The following PSMG4 variants were observed in gnomAD, a reference collection of about 807,000 sequenced individuals.
PSMG4 encodes proteasome assembly chaperone 4, also known as proteasome (prosome, macropain) assembly chaperone 4.
PSMG4 carries 10 observed loss-of-function variants against 11.0 expected under a neutral mutation model. The observed-to-expected ratio is 0.91, with a 90% CI of 0.56 to 1.54. PSMG4 has a LOEUF of 1.54. Among genes scored for constraint, PSMG4 ranks in the 40% most tolerant of loss-of-function variants. The pLI is 0.00. For missense variants in PSMG4, 198 were observed against 160.9 expected, an observed-to-expected ratio of 1.23 and a Z score of -1.25; for synonymous variants, 95 against 71.3, an observed-to-expected ratio of 1.33 and a Z score of -1.68.
At chr6:3,260,291 A>ATTTTTT (rs869076629) in intron 1 of PSMG4, among the ~76,000 whole-genome samples, 37 of 70,834 alleles carry the variant, frequency 5.2e-4, no homozygotes, top group Admixed American at 1.3e-3. Flanking sequence ...ATATATATAT[A>ATTTTTT]TTTTTTTTTT....
At chr6:3,254,907 C>G (rs187443068), upstream of PSMG4, 9 of 885,242 alleles carry the variant, frequency 1.0e-5, no homozygotes, top group South Asian at 1.2e-4. Context: ...TGAATGATCT[C>G]TGAGCTGGTG....
rs907490272 is a variant in PSMG4, at chr6:3,267,981, C to G, written c.*269C>G. On this transcript the variant is annotated 3_prime_UTR_variant, in exon 3 of 3. Coordinates refer to ENST00000438998, the MANE Select transcript of PSMG4 (RefSeq NM_001128591.2). ...TTTTGTTGGGATTGAAGACTGTAAT[C>G]TAAGAGTTTCAATCAGACATGACTG... The G allele has an allele frequency of 3.2e-6, 1 of 308,810 alleles. No homozygotes were observed. Among genetic ancestry groups the G allele is most frequent in the African/African-American group, 2.1e-5 (1 of 47,532 alleles). 19.1% of individuals were successfully genotyped at this position (308,810 alleles called of 1,614,324 possible).
rs921854513 is a variant in PSMG4 at position 3,259,049 on chromosome 6, C to T, written c.27C>T (p.Gly9=). The T allele has an allele frequency of 1.6e-6, 2 of 1,254,252 alleles. No individual in the cohort carries two copies. Among genetic ancestry groups the T allele is most frequent in the African/African-American group, 3.1e-5 (2 of 64,500 alleles). The allele number at this position is 1,254,252 out of a possible 1,614,324, so 77.7% of individuals were successfully genotyped here. A position where few individuals can be genotyped will look rare whatever the true frequency, so the allele number is the denominator to read the frequency against. The stretch of plus-strand genomic sequence containing the variant: ...TGGAGGGGCTGGTTGTCGCCGCCGG[C>T]GGGGACGTCTCCCTGCACAACTTCA... MEGLVVAA[G]GDVSLHNFSA... The change falls in exon 1 of 3, where the codon GGC becomes GGT. Residue 9 remains glycine, a synonymous_variant. Transcript: ENST00000438998.
chr6:3,258,124 C>T (rs141716104), upstream of PSMG4, among the ~76,000 whole-genome samples: 87 of 152,178 alleles, frequency 5.7e-4, no homozygotes, highest in African/African-American at 1.7e-3. Context: ...CTTTTCTCAA[C>T]TCTGTAATGT....
At chr6:3,267,433 G>C (rs1758237503) in intron 2 of PSMG4, 158 bp from the exon 3 acceptor site, 3 of 745,426 alleles carry the variant, frequency 4.0e-6, no homozygotes, top group Non-Finnish European at 6.1e-6. Context: ...GTCTGCATTT[G>C]CAGCACCTGT....
At chr6:3,256,484 T>C (rs183806780), upstream of PSMG4, among the ~76,000 whole-genome samples, 1 of 152,342 alleles carries the variant, frequency 6.6e-6, no homozygotes, top group African/African-American at 2.4e-5. Flanking sequence ...CCTCCTCCTG[T>C]GATGTGTGGC....
intron 2 of PSMG4, chr6:3,264,548 C>T: frequency 2.5e-6 from 2 of 792,048 alleles, no homozygotes; most frequent in African/African-American, 1.7e-5. Context: ...GCACCTGGCC[C>T]AGGGGGAAGG....
chr6:3,267,624 A>G lies in PSMG4; in HGVS notation c.284A>G (p.Tyr95Cys), dbSNP rs1269443606. The change falls in exon 3 of 3, where the codon TAT becomes TGT. Residue 95 changes from tyrosine (Y) to cysteine (C), a missense_variant. Coordinates refer to ENST00000438998, the MANE Select transcript of PSMG4 (RefSeq NM_001128591.2). ...RKTNKQVFVS[Y>C]NLQNTDSNFA... is the part of the protein sequence containing the mutation. ...ACCAACAAACAGGTGTTTGTCAGCT[A>G]TAACCTTCAGAACACAGACAGTAAC... The G allele has an allele frequency of 1.9e-6, 3 of 1,552,038 alleles. No individual in the cohort carries two copies. The highest frequency in any genetic ancestry group is 2.4e-5 in the East Asian group (1 of 40,918).
At chr6:3,255,856 G>A (rs1225771128), upstream of PSMG4, among the ~76,000 whole-genome samples, 1 of 87,588 alleles carries the variant, frequency 1.1e-5, no homozygotes, top group African/African-American at 3.1e-5. Flanking sequence ...TCCATCTCAC[G>A]TGAATGCAAA....
At chr6:3,264,150 G>C (rs1263315213) in intron 2 of PSMG4, 1 of 1,545,194 alleles carries the variant, frequency 6.5e-7, no homozygotes, top group Admixed American at 2.0e-5. Context: ...TGCAGCTGGT[G>C]GAGCAGGTGT....
chr6:3,263,543 C>A (rs1162745566), intron 1 of PSMG4, 141 bp from the exon 2 acceptor site: 3 of 671,910 alleles, frequency 4.5e-6, no homozygotes, highest in Non-Finnish European at 4.8e-6. Context: ...GACGCCACCC[C>A]TCTTTCCCTC....
upstream of PSMG4, chr6:3,255,321 C>T (rs541971888): frequency 6.1e-5 from 91 of 1,498,682 alleles, no homozygotes; most frequent in African/African-American, 3.1e-4. Flanking sequence ...ATGAGGCTAA[C>T]GGCAACTGGT....
At chr6:3,267,080 C>T (rs1364631281) in intron 2 of PSMG4, 2 of 152,332 alleles carry the variant, frequency 1.3e-5, no homozygotes, top group African/African-American at 2.4e-5. Flanking sequence ...TGGTCTCGAT[C>T]TCCTGACCTT....
At chr6:3,267,311 G>T in intron 2 of PSMG4, 1 of 279,110 alleles carries the variant, frequency 3.6e-6, no homozygotes, top group Non-Finnish European at 6.9e-6. Flanking sequence ...AGGAGGGCTG[G>T]GTGGGGCCCA....
chr6:3,267,519 C>T, intron 2 of PSMG4, 72 bp from the exon 3 acceptor site: 4 of 1,512,664 alleles, frequency 2.6e-6, no homozygotes, highest in Non-Finnish European at 3.6e-6. Flanking sequence ...TTCCCAGCTG[C>T]ACGTGGCTGT....
At chr6:3,255,145 G>A (rs1454485492), upstream of PSMG4, 1 of 1,551,042 alleles carries the variant, frequency 6.4e-7, no homozygotes, top group Non-Finnish European at 8.7e-7. Context: ...CATTCTCTTT[G>A]AGGAGCAGGG....
Position 3,264,484 on chromosome 6 carries a change from C to T in PSMG4, c.250+725C>T, listed in dbSNP as rs1285694980. ...CTCAGGCACAGGACCTGGTACCTGA[C>T]AAGCAGGAACCTCTGTGTCAGTCAC... On this transcript the variant is annotated intron_variant, in intron 2 of 2. Transcript: ENST00000438998. The T allele has an allele frequency of 3.8e-6, 5 of 1,319,320 alleles. No homozygotes were observed. The East Asian group carries it at 1.0e-4, about 27-fold the overall frequency. The allele number at this position is 1,319,320 out of a possible 1,614,324, so 81.7% of individuals were successfully genotyped here.
intron 1 of PSMG4, among the ~76,000 whole-genome samples, chr6:3,260,999 C>T (rs1757970378): frequency 6.6e-6 from 1 of 152,122 alleles, no homozygotes; most frequent in South Asian, 2.1e-4. Flanking sequence ...GTCTGCTTGC[C>T]CAGGGTGAGC....
upstream of PSMG4, chr6:3,255,157 C>T (rs1364788585): frequency 1.3e-6 from 2 of 1,550,824 alleles, no homozygotes; most frequent in East Asian, 2.4e-5. Flanking sequence ...GGAGCAGGGC[C>T]ATACTGACGG....
Sources: allele counts gnomAD v4.1 joint callset (sites outside exome capture counted in the v4.1 genomes callset), GRCh38; gene constraint gnomAD v4.1.1; transcripts MANE v1.5; gene names NCBI Gene and HGNC (gene_info 2026-07-23, HGNC 2026-07-21).